The following WDR26 variants were observed in gnomAD, a reference collection of about 807,000 sequenced individuals.
WDR26 encodes WD repeat domain 26, also known as WD repeat-containing protein 26.
In WDR26, 5 loss-of-function variants were observed where a neutral mutation model predicts 84.1. The ratio of observed to expected loss-of-function variants is 0.06; its 90% CI spans 0.03 to 0.13. The LOEUF is 0.13. WDR26 is among the 10% of genes least tolerant of loss of function. The probability of loss-of-function intolerance (pLI) is 1.00; values close to 1 mark genes in which losing one functional copy is unlikely to be tolerated. For synonymous variants in WDR26, 415 were observed against 389.6 expected (o/e 1.07, Z -0.77); for missense variants, 642 against 974.9 (o/e 0.66, Z 4.55).
intron 7 of WDR26, among the ~76,000 whole-genome samples, chr1:224,411,108 G>A (rs916424114): frequency 2.0e-5 from 3 of 152,168 alleles, no homozygotes; most frequent in Admixed American, 2.0e-4. Flanking sequence ...CTAGCTGTGA[G>A]AGTCAAAGCA....
intron 8 of WDR26, among the ~76,000 whole-genome samples, chr1:224,403,505 C>G (rs1673471477): frequency 6.6e-6 from 1 of 152,122 alleles, no homozygotes; most frequent in Non-Finnish European, 1.5e-5. Context: ...GGAGTTGAAA[C>G]AAGGAAATGA....
At chr1:224,426,392 C>T (rs903591537) in intron 3 of WDR26, among the ~76,000 whole-genome samples, 4 of 152,014 alleles carry the variant, frequency 2.6e-5, no homozygotes, top group Non-Finnish European at 1.5e-5. Flanking sequence ...TTATAAGATA[C>T]ATTTCTTTTG....
chr1:224,403,446 T>C (rs1673470503), intron 8 of WDR26, among the ~76,000 whole-genome samples: 1 of 152,246 alleles, frequency 6.6e-6, no homozygotes, highest in Non-Finnish European at 1.5e-5. Context: ...ATCATCATTG[T>C]CCTATTTTGA....
chr1:224,392,697 T>C (rs1461582972), intron 13 of WDR26, among the ~76,000 whole-genome samples: 3 of 152,204 alleles, frequency 2.0e-5, no homozygotes, highest in Admixed American at 6.5e-5. Context: ...CTCAAACTTT[T>C]TGACTCGTGT....
chr1:224,431,429 C>G (rs778443500), intron 3 of WDR26, 48 bp downstream of exon 3: 2 of 1,543,124 alleles, frequency 1.3e-6, no homozygotes, highest in Non-Finnish European at 1.8e-6. Flanking sequence ...TATCAATAAC[C>G]TACTAAAATA....
intron 3 of WDR26, chr1:224,431,236 A>C (rs996221129): frequency 5.0e-6 from 2 of 400,580 alleles, no homozygotes; most frequent in Non-Finnish European, 9.1e-6. Context: ...GAAAGCATGA[A>C]GAGCTTTCAA....
intron 3 of WDR26, among the ~76,000 whole-genome samples, chr1:224,426,752 G>A (rs1294427538): frequency 6.6e-6 from 1 of 151,618 alleles, no homozygotes; most frequent in Non-Finnish European, 1.5e-5. Flanking sequence ...TGAAAAAAAT[G>A]CAACTATGAA....
intron 13 of WDR26, 42 bp from the exon 14 acceptor site, chr1:224,389,902 G>GGGGGGA: frequency 5.3e-6 from 2 of 376,260 alleles, no homozygotes; most frequent in Non-Finnish European, 1.0e-5. Flanking sequence ...GCGGGCGGGG[G>GGGGGGA]AGGGAAGAGG....
intron 7 of WDR26, among the ~76,000 whole-genome samples, chr1:224,410,281 CAAAAAAAAAAA>C (rs10707541): frequency 1.9e-5 from 2 of 103,160 alleles, no homozygotes; most frequent in Admixed American, 2.1e-4. Flanking sequence ...GACTTTGTCT[CAAAAAAAAAAA>C]AAAAAAAAGA....
In WDR26 at chr1:224,389,804, T is replaced by A. The variant is rs771780331; in HGVS notation, c.*31A>T. ...CATTAAAATACGACTAATTTTAAGTTAAACAGAAGTCGTCTGCTCCAAATT... is the reference window on the plus strand; with the variant it reads ...CATTAAAATACGACTAATTTTAAGTAAAACAGAAGTCGTCTGCTCCAAATT... On this transcript the variant is annotated 3_prime_UTR_variant, in exon 14 of 14. Transcript: ENST00000414423. The A allele has an allele frequency of 6.5e-6, 9 of 1,381,372 alleles. No homozygotes were observed. The highest frequency in any genetic ancestry group is 1.9e-6 in the Non-Finnish European group (2 of 1,043,256). 85.6% of individuals were successfully genotyped at this position (1,381,372 alleles called of 1,614,324 possible).
intron 12 of WDR26, among the ~76,000 whole-genome samples, chr1:224,395,097 A>T: frequency 6.6e-6 from 1 of 152,200 alleles, no homozygotes; most frequent in Non-Finnish European, 1.5e-5. Context: ...GAATCAGACT[A>T]CTCAACATTG....
At position 224,387,247 on chromosome 1, in the gene WDR26, G is replaced by T. The variant is rs1673010293; in HGVS notation, c.*2588C>A. Reference sequence around the variant, plus strand: ...TATAGAGCCTACAGCACTATCAGAAGTTTTCAATTAATAGCTATGGATCAG... The same window carrying T: ...TATAGAGCCTACAGCACTATCAGAATTTTTCAATTAATAGCTATGGATCAG... On this transcript the variant is annotated 3_prime_UTR_variant, in exon 14 of 14. Transcript: ENST00000414423. 1 of 152,568 alleles carries T rather than the reference G, an allele frequency of 6.6e-6. No homozygotes were observed. The highest frequency in any genetic ancestry group is 1.5e-5 in the Non-Finnish European group (1 of 68,022). 9.5% of individuals were successfully genotyped at this position (152,568 alleles called of 1,614,324 possible).
intron 1 of WDR26, among the ~76,000 whole-genome samples, chr1:224,432,931 C>T (rs1674438965): frequency 6.6e-6 from 1 of 152,198 alleles, no homozygotes; most frequent in Non-Finnish European, 1.5e-5. Context: ...GTTAGGTATA[C>T]AAGGCCACCT....
intron 12 of WDR26, 117 bp from the exon 13 acceptor site, chr1:224,394,130 A>G (rs1275242017): frequency 1.4e-6 from 1 of 699,532 alleles, no homozygotes; most frequent in Non-Finnish European, 2.1e-6. Context: ...GAAAATAAAT[A>G]TACCATGAAT....
At chr1:224,424,817 A>C (rs1674163935) in intron 3 of WDR26, 163 bp from the exon 4 acceptor site, 2 of 786,366 alleles carry the variant, frequency 2.5e-6, no homozygotes, top group Admixed American at 2.5e-5. Flanking sequence ...GTAGAGCCAC[A>C]GTAGATTAAA....
chr1:224,433,967 A>T lies in WDR26; in HGVS notation c.439T>A (p.Ser147Thr), dbSNP rs965658167. The T allele has an allele frequency of 2.0e-6, 3 of 1,531,106 alleles. No individual in the cohort carries two copies. Among genetic ancestry groups the T allele is most frequent in the Non-Finnish European group, 1.8e-6 (2 of 1,142,756 alleles). 94.8% of individuals were successfully genotyped at this position (1,531,106 alleles called of 1,614,324 possible). A position where few individuals can be genotyped will look rare whatever the true frequency, so the allele number is the denominator to read the frequency against. The change falls in exon 1 of 14, where the codon TCG (serine) becomes ACG (threonine). Residue 147 changes from serine (S) to threonine (T), a missense_variant. Ser to Thr is a moderately conservative substitution (Grantham distance 58). Around this residue, in one of 2 missense-constraint regions of WDR26, gnomAD observed 291 missense variants for 302.1 expected, o/e 0.96. Transcript: ENST00000414423. ...TGGGCCAGGTCCCCCGCGGACGACG[A>T]CGACGAGGGGGACGACTCCCCGTTC...
At chr1:224,424,783 G>A (rs1046329911) in intron 3 of WDR26, 129 bp from the exon 4 acceptor site, 3 of 1,202,274 alleles carry the variant, frequency 2.5e-6, no homozygotes, top group South Asian at 1.3e-5. Context: ...AAAGCTTCAA[G>A]ATGACTCAAA....
chr1:224,427,208 A>C (rs1048670245), intron 3 of WDR26, among the ~76,000 whole-genome samples: 4 of 151,658 alleles, frequency 2.6e-5, no homozygotes, highest in Non-Finnish European at 5.9e-5. Flanking sequence ...TTTAAATGTC[A>C]CATGGAACTG....
At chr1:224,406,978 C>T (rs911920035) in intron 7 of WDR26, among the ~76,000 whole-genome samples, 8 of 149,446 alleles carry the variant, frequency 5.4e-5, no homozygotes, top group Admixed American at 1.3e-4. Context: ...AAAAATTAGC[C>T]GGGTGTGGTG....
Sources: gnomAD v4.1 joint callset for allele counts (sites outside exome capture counted in the v4.1 genomes callset) on GRCh38, gnomAD v4.1.1 for gene constraint, gnomAD v4.1.1 regional missense constraint, MANE v1.5 for transcripts, NCBI Gene and HGNC (gene_info 2026-07-23, HGNC 2026-07-21) for gene names.